The following RTN1 variants were observed in gnomAD, a reference collection of about 807,000 sequenced individuals.
The protein encoded by RTN1 is reticulon-1.
Under a neutral mutation model 65.5 loss-of-function variants are expected in RTN1, and 25 were observed. The ratio of observed to expected loss-of-function variants is 0.38; its 90% CI spans 0.28 to 0.53. The LOEUF (loss-of-function observed/expected upper bound fraction) is 0.53. Ranked by LOEUF, RTN1 falls within the 20% of genes least tolerant of loss-of-function variation. The pLI is 0.79. For missense variants in RTN1, 983 were observed against 1,025.4 expected (o/e 0.96, Z 0.57); for synonymous variants, 471 against 447.6 (o/e 1.05, Z -0.66).
chr14:59,609,523 A>T lies in RTN1; in HGVS notation c.1766-2031T>A, dbSNP rs535886542. Reference sequence around the variant, plus strand: ...TTTTGGAAGACATGACCTGCAATAAACCCCTGGAACTCTGAGAGTAGAGGG... The same window carrying T: ...TTTTGGAAGACATGACCTGCAATAATCCCCTGGAACTCTGAGAGTAGAGGG... On this transcript the variant is annotated intron_variant, in intron 3 of 8. Coordinates refer to ENST00000267484, the MANE Select transcript of RTN1 (RefSeq NM_021136.3). Among the ~76,000 whole-genome samples, 25 of 152,154 alleles carry T rather than the reference A, an allele frequency of 1.6e-4. 1 individual carries two copies. The South Asian group carries it at 5.2e-3, about 32-fold the overall frequency.
At chr14:59,640,597 G>A (rs1055428861) in intron 3 of RTN1, among the ~76,000 whole-genome samples, 1 of 152,148 alleles carries the variant, frequency 6.6e-6, no homozygotes, top group Non-Finnish European at 1.5e-5. Flanking sequence ...TTACAGGCGT[G>A]AGCCACCGTG....
At chr14:59,856,551 C>A (rs1887611719) in intron 1 of RTN1, among the ~76,000 whole-genome samples, 1 of 152,190 alleles carries the variant, frequency 6.6e-6, no homozygotes, top group South Asian at 2.1e-4. Context: ...CACACCTCAG[C>A]CCTGTACTCA....
At chr14:59,869,811 G>T (rs1314095498) in intron 1 of RTN1, among the ~76,000 whole-genome samples, 2 of 152,204 alleles carry the variant, frequency 1.3e-5, no homozygotes, top group Non-Finnish European at 2.9e-5. Flanking sequence ...AACTCCCTGG[G>T]ATTTGTTTTC....
intron 2 of RTN1, among the ~76,000 whole-genome samples, chr14:59,740,354 T>C (rs561763199): frequency 2.6e-5 from 4 of 152,202 alleles, no homozygotes; most frequent in Non-Finnish European, 5.9e-5. Context: ...ACTCCATGTG[T>C]GATTCTAACA....
chr14:59,632,778 G>A (rs1187393312), intron 3 of RTN1, among the ~76,000 whole-genome samples: 3 of 152,068 alleles, frequency 2.0e-5, no homozygotes, highest in African/African-American at 7.2e-5. Context: ...GACTTTCTGG[G>A]CCAGGCGTTT....
intron 1 of RTN1, among the ~76,000 whole-genome samples, chr14:59,754,428 G>A (rs749237405): frequency 5.3e-5 from 8 of 152,114 alleles, no homozygotes; most frequent in Non-Finnish European, 7.4e-5. Flanking sequence ...AGTTCTTAAC[G>A]CTGACTCATC....
At chr14:59,609,207 C>T (rs974676226) in intron 3 of RTN1, among the ~76,000 whole-genome samples, 1 of 152,024 alleles carries the variant, frequency 6.6e-6, no homozygotes, top group Non-Finnish European at 1.5e-5. Flanking sequence ...ATCGCTTGAA[C>T]CCAGGAGGCA....
At chr14:59,853,766 GT>G (rs1167381356) in intron 1 of RTN1, among the ~76,000 whole-genome samples, 2 of 151,736 alleles carry the variant, frequency 1.3e-5, no homozygotes, top group Non-Finnish European at 1.5e-5. Context: ...CTCTATTTAT[GT>G]TGCAGTTCCA....
At chr14:59,735,695 A>G (rs1043079535) in intron 2 of RTN1, among the ~76,000 whole-genome samples, 14 of 152,224 alleles carry the variant, frequency 9.2e-5, no homozygotes, top group Non-Finnish European at 4.4e-5. Context: ...TAACTATCCT[A>G]AATACATATG....
At chr14:59,681,923 C>A (rs1470485104) in intron 3 of RTN1, among the ~76,000 whole-genome samples, 14 of 152,170 alleles carry the variant, frequency 9.2e-5, no homozygotes. Context: ...ATAGTTTAGA[C>A]CCTCGTCACT....
chr14:59,616,792 T>C (rs74057875), intron 3 of RTN1, among the ~76,000 whole-genome samples: 2,485 of 152,270 alleles, frequency 0.016, 54 homozygotes, highest in African/African-American at 0.056. Context: ...CAAATAACTT[T>C]AAAAATTGTG....
At chr14:59,767,168 A>G (rs916359094) in intron 1 of RTN1, among the ~76,000 whole-genome samples, 9 of 152,236 alleles carry the variant, frequency 5.9e-5, no homozygotes, top group African/African-American at 1.4e-4. Context: ...ATTTTAGCAT[A>G]TGGTCACCCA....
At chr14:59,797,645 T>G (rs1886464465) in intron 1 of RTN1, among the ~76,000 whole-genome samples, 2 of 152,208 alleles carry the variant, frequency 1.3e-5, no homozygotes, top group Non-Finnish European at 2.9e-5. Context: ...TCTGCCCTTG[T>G]GACTGGACTC....
At chr14:59,796,908 A>G (rs1004716341) in intron 1 of RTN1, among the ~76,000 whole-genome samples, 4 of 152,198 alleles carry the variant, frequency 2.6e-5, no homozygotes, top group African/African-American at 9.6e-5. Context: ...CACAGTGCCT[A>G]AAATAGTGCC....
chr14:59,856,929 T>G (rs1887618894), intron 1 of RTN1, among the ~76,000 whole-genome samples: 1 of 152,174 alleles, frequency 6.6e-6, no homozygotes, highest in South Asian at 2.1e-4. Context: ...AGTACTGTGC[T>G]CATGCAATGT....
At chr14:59,817,194 T>C (rs1190238424) in intron 1 of RTN1, among the ~76,000 whole-genome samples, 7 of 152,150 alleles carry the variant, frequency 4.6e-5, no homozygotes, top group African/African-American at 1.7e-4. Flanking sequence ...GGACCTCTTA[T>C]AGTCTAGTGG....
intron 1 of RTN1, among the ~76,000 whole-genome samples, chr14:59,860,512 G>T (rs1887689346): frequency 6.6e-6 from 1 of 152,246 alleles, no homozygotes; most frequent in African/African-American, 2.4e-5. Flanking sequence ...GCCCCACACA[G>T]ACTCCCTACT....
chr14:59,774,949 A>G lies in RTN1; in HGVS notation c.242-28468T>C, dbSNP rs1886023111. Among the ~76,000 whole-genome samples, 1 of 152,220 alleles carries G rather than the reference A, an allele frequency of 6.6e-6. No homozygotes were observed. Among genetic ancestry groups the G allele is most frequent in the Non-Finnish European group, 1.5e-5 (1 of 68,034 alleles). ...AACATTTCAGGGGAAAACTGTTGCAATAACAGACAGAAACCTCCTTTACAT... is the reference window on the plus strand; with the variant it reads ...AACATTTCAGGGGAAAACTGTTGCAGTAACAGACAGAAACCTCCTTTACAT... On this transcript the variant is annotated intron_variant, in intron 1 of 8. Transcript: ENST00000267484. This position sits in a 1 kb window ranked among gnomAD's most constrained non-coding sequence, Gnocchi z 5.1.
chr14:59,752,762 G>A (rs73313729), intron 1 of RTN1, among the ~76,000 whole-genome samples: 9 of 152,006 alleles, frequency 5.9e-5, no homozygotes, highest in East Asian at 5.8e-4. Context: ...ATCCATTAAC[G>A]AGTGGTCTTA....
Sources: allele counts gnomAD v4.1 joint callset (sites outside exome capture counted in the v4.1 genomes callset), GRCh38; gene constraint gnomAD v4.1.1; non-coding constraint Gnocchi (gnomAD v3.1); transcripts MANE v1.5; gene names NCBI Gene and HGNC (gene_info 2026-07-23, HGNC 2026-07-21).